PCNX2: variants seen among roughly 807,000 people sequenced by gnomAD.
PCNX2 encodes pecanex-like protein 2.
PCNX2 carries 168 observed loss-of-function variants against 223.8 expected under a neutral mutation model. That is an observed-to-expected ratio of 0.75 (90% CI 0.66 to 0.85). The LOEUF is 0.85. PCNX2 is among the 40% of genes least tolerant of loss of function. PCNX2 has a pLI of 0.00. For synonymous variants in PCNX2, 1,006 were observed against 1,052.6 expected (o/e 0.96, Z 0.86); for missense variants, 2,507 against 2,675.5 (o/e 0.94, Z 1.39).
intron 9 of PCNX2, chr1:233,231,754 G>A: frequency 1.3e-6 from 1 of 745,278 alleles, no homozygotes; most frequent in Non-Finnish European, 1.6e-6. Context: ...GGTTGGTAGG[G>A]ACTCTGGTGT....
chr1:233,115,222 G>A (rs1475789845), intron 21 of PCNX2, among the ~76,000 whole-genome samples: 2 of 151,804 alleles, frequency 1.3e-5, no homozygotes, highest in African/African-American at 4.8e-5. Flanking sequence ...ATTTGTGAAG[G>A]TTACAGCCCG....
chr1:233,238,301 A>C (rs1198641450), intron 8 of PCNX2, among the ~76,000 whole-genome samples: 2 of 152,220 alleles, frequency 1.3e-5, no homozygotes, highest in Non-Finnish European at 2.9e-5. Context: ...TTCATGATAA[A>C]GTTTCTGACA....
In PCNX2 at chr1:233,232,852, G is replaced by A. The variant is rs57606362; in HGVS notation, c.2358+3993C>T. The A allele has an allele frequency of 8.0e-3, 7,851 of 985,178 alleles. 472 individuals carry two copies. In the African/African-American group the frequency reaches 0.13, roughly 16 times the overall value. 61.0% of individuals were successfully genotyped at this position (985,178 alleles called of 1,614,324 possible). ...TTTAGGACCAATGCAATGCTTGACC[G>A]TCATGCTATCCATAATGATAATAAT... On this transcript the variant is annotated intron_variant, in intron 9 of 33. Coordinates refer to ENST00000258229, the MANE Select transcript of PCNX2 (RefSeq NM_014801.4).
At chr1:233,054,672 C>G in intron 24 of PCNX2, 189 bp from the exon 25 acceptor site, 1 of 549,254 alleles carries the variant, frequency 1.8e-6, no homozygotes, top group African/African-American at 1.9e-5. Flanking sequence ...CCTCAATATT[C>G]TCTCTGTGTA....
At chr1:233,054,118 T>G in intron 25 of PCNX2, 150 bp downstream of exon 25, 1 of 664,112 alleles carries the variant, frequency 1.5e-6, no homozygotes, top group Non-Finnish European at 2.6e-6. Flanking sequence ...GACTGTAGTT[T>G]ATTTATATCA....
intron 25 of PCNX2, among the ~76,000 whole-genome samples, chr1:233,039,413 G>A (rs1192043509): frequency 1.3e-5 from 2 of 152,084 alleles, no homozygotes; most frequent in Non-Finnish European, 2.9e-5. Flanking sequence ...CGACAGTCGG[G>A]TAATAGCACC....
At chr1:232,985,384 G>A (rs1669436633) in intron 33 of PCNX2, 1 of 152,430 alleles carries the variant, frequency 6.6e-6, no homozygotes, top group African/African-American at 2.4e-5. Context: ...CATGAGCCAT[G>A]GTAAGGAAAA....
intron 1 of PCNX2, chr1:233,292,016 T>C (rs1434317734): frequency 1.6e-5 from 16 of 977,592 alleles, no homozygotes; most frequent in Admixed American, 6.2e-5. Context: ...TTCTCACAAA[T>C]ATATACATAG....
intron 17 of PCNX2, among the ~76,000 whole-genome samples, 181 bp downstream of exon 17, chr1:233,177,621 G>A (rs557262172): frequency 1.1e-4 from 17 of 152,290 alleles, no homozygotes; most frequent in South Asian, 4.1e-4. Context: ...GAGAGCAAGC[G>A]TTTCAAATAG....
intron 17 of PCNX2, among the ~76,000 whole-genome samples, chr1:233,175,979 G>A (rs1237185615): frequency 2.0e-5 from 3 of 152,122 alleles, no homozygotes; most frequent in African/African-American, 4.8e-5. Flanking sequence ...TAAATTCATC[G>A]AAATTCCATG....
Position 233,098,638 on chromosome 1 carries a change from A to T in PCNX2, c.3838-2775T>A, listed in dbSNP as rs185536746. 3.0e-3 allele frequency among the ~76,000 whole-genome samples: 459 copies of T among 152,244 alleles called. 1 individual carries two copies. The highest frequency in any genetic ancestry group is 4.6e-3 in the Non-Finnish European group (316 of 68,032). On this transcript the variant is annotated intron_variant, in intron 21 of 33. Transcript: ENST00000258229. ...GAAGAAGCCAGATCTCCTGAATGTC[A>T]TTTCTTTATGTAGTAATGATTCCTC...
intron 13 of PCNX2, among the ~76,000 whole-genome samples, chr1:233,204,699 C>G (rs1041413678): frequency 1.3e-5 from 2 of 152,218 alleles, no homozygotes; most frequent in African/African-American, 4.8e-5. Context: ...CAACCTTTTC[C>G]TGCTCAGTGC....
chr1:233,150,397 T>C (rs1046747378), intron 19 of PCNX2, among the ~76,000 whole-genome samples: 21 of 152,296 alleles, frequency 1.4e-4, no homozygotes, highest in African/African-American at 4.6e-4. Context: ...AATGAATTGA[T>C]AGACATTATT....
At chr1:233,223,792 T>C (rs1657536205) in intron 10 of PCNX2, among the ~76,000 whole-genome samples, 1 of 152,192 alleles carries the variant, frequency 6.6e-6, no homozygotes, top group Non-Finnish European at 1.5e-5. Flanking sequence ...GCTATAAGTG[T>C]GTGTTCTCAT....
At chr1:233,030,695 G>A (rs765232591) in intron 25 of PCNX2, among the ~76,000 whole-genome samples, 1 of 152,158 alleles carries the variant, frequency 6.6e-6, no homozygotes, top group African/African-American at 2.4e-5. Flanking sequence ...TCTTTTGGGG[G>A]TCTCAACTAA....
chr1:233,200,393 T>C (rs989408445), intron 13 of PCNX2, 129 bp from the exon 14 acceptor site: 1 of 630,280 alleles, frequency 1.6e-6, no homozygotes, highest in Non-Finnish European at 2.6e-6. Context: ...CTTTTTTTTT[T>C]TTTTTTTTTT....
chr1:233,079,748 G>A (rs753979778), intron 23 of PCNX2, among the ~76,000 whole-genome samples: 3 of 151,930 alleles, frequency 2.0e-5, no homozygotes, highest in Non-Finnish European at 2.9e-5. Context: ...TGTGTCCCTC[G>A]GCCCAGCCTT....
At chr1:233,211,855 T>A in intron 12 of PCNX2, 5 of 978,202 alleles carry the variant, frequency 5.1e-6, no homozygotes, top group Non-Finnish European at 6.1e-6. Flanking sequence ...GCATCCATGA[T>A]AGTCTTAGGG....
intron 8 of PCNX2, among the ~76,000 whole-genome samples, chr1:233,239,505 T>G (rs1658628292): frequency 6.6e-6 from 1 of 152,228 alleles, no homozygotes; most frequent in Non-Finnish European, 1.5e-5. Context: ...ATTTTCTATT[T>G]AAGATCTTTT....
Sources: allele counts gnomAD v4.1 joint callset (sites outside exome capture counted in the v4.1 genomes callset), GRCh38; gene constraint gnomAD v4.1.1; transcripts MANE v1.5; gene names NCBI Gene and HGNC (gene_info 2026-07-23, HGNC 2026-07-21).